ERICH1: variants seen among roughly 807,000 people sequenced by gnomAD.
ERICH1 encodes glutamate-rich protein 1.
Under a neutral mutation model 39.6 loss-of-function variants are expected in ERICH1, and 56 were observed. The observed-to-expected ratio is 1.41, with a 90% confidence interval of 1.14 to 1.77. The LOEUF is 1.77. Among genes scored for constraint, ERICH1 ranks in the 40% most tolerant of loss-of-function variants. The pLI is 0.00. For synonymous variants in ERICH1, 313 were observed against 223.6 expected (o/e 1.40, Z -3.57); for missense variants, 826 against 575.4 (o/e 1.44, Z -4.45).
chr8:707,321 C>T (rs567726510), intron 2 of ERICH1, among the ~76,000 whole-genome samples: 3 of 151,416 alleles, frequency 2.0e-5, no homozygotes, highest in Middle Eastern at 3.2e-3. Context: ...GACTCTACTG[C>T]GTCAGCCTCC....
chr8:616,441 C>A, intron 3 of ERICH1: 1 of 444,378 alleles, frequency 2.3e-6, no homozygotes, highest in Admixed American at 2.4e-5. Flanking sequence ...CCCATGCTCT[C>A]CTGGCTAAGC....
intron 2 of ERICH1, among the ~76,000 whole-genome samples, chr8:706,840 A>T (rs1229160645): frequency 1.3e-5 from 2 of 152,248 alleles, no homozygotes; most frequent in African/African-American, 2.4e-5. Flanking sequence ...GAAAGAAATT[A>T]AAAAGAACTT....
chr8:681,669 T>G (rs1042803127), intron 3 of ERICH1, among the ~76,000 whole-genome samples: 3 of 152,192 alleles, frequency 2.0e-5, no homozygotes, highest in African/African-American at 7.2e-5. Context: ...CAGACAGACC[T>G]GTTTCTTTGT....
intron 3 of ERICH1, among the ~76,000 whole-genome samples, chr8:655,660 A>ATGCATTCCTTCC (rs1800549778): frequency 1.4e-5 from 2 of 142,984 alleles, no homozygotes; most frequent in Non-Finnish European, 3.0e-5. Context: ...TGTCCTCTGC[A>ATGCATTCCTTCC]TTCCTTCCTT....
At chr8:617,318 AG>A (rs1158255950) in intron 3 of ERICH1, among the ~76,000 whole-genome samples, 1 of 152,148 alleles carries the variant, frequency 6.6e-6, no homozygotes, top group Non-Finnish European at 1.5e-5. Context: ...GCCTCCTCAG[AG>A]GGCTTCCCCC....
chr8:614,944 G>C (rs715808), exon 4 of ERICH1: 234,596 of 318,604 alleles, frequency 0.74, 87,812 homozygotes, highest in East Asian at 0.98. Flanking sequence ...GCACTTATTA[G>C]GAGAGGGACA....
rs775719096 is a variant in ERICH1 at position 731,156 on chromosome 8, C to T, written c.6G>A (p.Ala2=). Residue 2 remains alanine (A), a synonymous_variant, in exon 1 of 6, where the codon GCG becomes GCA. Transcript: ENST00000262109. M[A]AHRKHVFVEK... ...CCCACCTACCGTGCTTCCTGTGCGC[C>T]GCCATGCGGGACCCTGCCGCGGACC... 24 of 1,515,216 alleles carry T rather than the reference C, an allele frequency of 1.6e-5. No homozygotes were observed. Among genetic ancestry groups the T allele is most frequent in the Non-Finnish European group, 1.9e-5 (22 of 1,134,104 alleles). 93.9% of individuals were successfully genotyped at this position (1,515,216 alleles called of 1,614,324 possible). A position where few individuals can be genotyped will look rare whatever the true frequency, so the allele number is the denominator to read the frequency against.
intron 3 of ERICH1, chr8:616,255 G>T (rs555648368): frequency 1.1e-4 from 31 of 280,566 alleles, no homozygotes; most frequent in Non-Finnish European, 1.9e-4. Flanking sequence ...TGGTGTCTGA[G>T]GCACAGATCT....
chr8:660,891 T>A (rs1280816810), downstream of ERICH1, among the ~76,000 whole-genome samples: 3 of 151,930 alleles, frequency 2.0e-5, no homozygotes, highest in East Asian at 1.9e-4. Context: ...AGGCTCCGGG[T>A]TCCTGGGATA....
chr8:636,332 G>C (rs949273093), intron 3 of ERICH1, among the ~76,000 whole-genome samples: 1 of 152,246 alleles, frequency 6.6e-6, no homozygotes, highest in East Asian at 1.9e-4. Context: ...GGGAGCCAAG[G>C]CCTCGGATGT....
intron 3 of ERICH1, among the ~76,000 whole-genome samples, chr8:689,503 C>G (rs1808415980): frequency 6.6e-6 from 1 of 152,220 alleles, no homozygotes; most frequent in African/African-American, 2.4e-5. Flanking sequence ...CTTTCAGATG[C>G]TGGCGGTGCC....
chr8:686,010 A>T (rs79519028), intron 3 of ERICH1, among the ~76,000 whole-genome samples: 1 of 142,692 alleles, frequency 7.0e-6, no homozygotes, highest in South Asian at 2.4e-4. Context: ...AAAAAAAAAA[A>T]ATAGCTTGGT....
At chr8:652,733 G>C (rs1175153180) in intron 3 of ERICH1, among the ~76,000 whole-genome samples, 1 of 152,214 alleles carries the variant, frequency 6.6e-6, no homozygotes. Flanking sequence ...CAGCTCATCT[G>C]ATGTAGAACT....
chr8:619,223 A>G (rs1282367328), intron 3 of ERICH1, among the ~76,000 whole-genome samples: 1 of 152,162 alleles, frequency 6.6e-6, no homozygotes, highest in African/African-American at 2.4e-5. Context: ...AGCCAAATAA[A>G]GAGAAAGCCT....
intron 3 of ERICH1, among the ~76,000 whole-genome samples, chr8:652,307 C>A (rs1213657866): frequency 6.6e-6 from 1 of 152,224 alleles, no homozygotes; most frequent in East Asian, 1.9e-4. Flanking sequence ...TGGGGCCTGG[C>A]CCCGTCAGAG....
At chr8:628,286 G>C (rs906023731) in intron 3 of ERICH1, among the ~76,000 whole-genome samples, 12 of 152,244 alleles carry the variant, frequency 7.9e-5, no homozygotes, top group African/African-American at 2.9e-4. Context: ...TCAGCTCAGA[G>C]CTGGCTGTGG....
chr8:692,116 A>C (rs1809033296), intron 3 of ERICH1, among the ~76,000 whole-genome samples: 1 of 152,258 alleles, frequency 6.6e-6, no homozygotes, highest in South Asian at 2.1e-4. Context: ...AAACTTGGAA[A>C]ATCAAGAAAA....
intron 3 of ERICH1, among the ~76,000 whole-genome samples, chr8:623,922 C>CT (rs942711983): frequency 6.6e-6 from 1 of 152,096 alleles, no homozygotes; most frequent in African/African-American, 2.4e-5. Flanking sequence ...AAAATTAAAA[C>CT]TTTTTTGTTG....
Position 673,894 on chromosome 8 carries a change from T to C in ERICH1, c.458A>G (p.Asp153Gly), listed in dbSNP as rs752368698. The change falls in exon 4 of 6, where the codon GAT becomes GGT. Residue 153 changes from aspartate (D) to glycine (G), a missense_variant. Physicochemically the swap from Asp to Gly is moderately conservative, Grantham distance 94. Coordinates refer to ENST00000262109, the MANE Select transcript of ERICH1 (RefSeq NM_207332.3). Reference sequence around the variant, plus strand: ...TTTATTTTTGCTTATTGTGGTGCCATCTGTGTGCTGTCGCTGAGATTTCTC... The same window carrying C: ...TTTATTTTTGCTTATTGTGGTGCCACCTGTGTGCTGTCGCTGAGATTTCTC... ...LQEKSQRQHTDGTTISKNKKR... is the reference protein window; with the variant it reads ...LQEKSQRQHTGGTTISKNKKR... 2.5e-5 allele frequency: 40 copies of C among 1,613,526 alleles called. No homozygotes were observed. Among genetic ancestry groups the C allele is most frequent in the Non-Finnish European group, 3.4e-5 (40 of 1,180,022 alleles).
Sources: allele counts gnomAD v4.1 joint callset (sites outside exome capture counted in the v4.1 genomes callset), GRCh38; gene constraint gnomAD v4.1.1; transcripts MANE v1.5; gene names NCBI Gene and HGNC (gene_info 2026-07-23, HGNC 2026-07-21).